LEPR: variants seen among roughly 807,000 people sequenced by gnomAD.
LEPR encodes the protein leptin receptor.
LEPR carries 56 observed loss-of-function variants against 114.7 expected under a neutral mutation model. The observed-to-expected ratio is 0.49, with a 90% CI of 0.39 to 0.61. LEPR has a LOEUF of 0.61. Among genes scored for constraint, LEPR ranks in the 20% least tolerant of loss-of-function variants. The pLI is 0.00. For missense variants in LEPR, 1,202 were observed against 1,352.9 expected (o/e 0.89, Z 1.75); for synonymous variants, 443 against 461.4 (o/e 0.96, Z 0.51).
intron 2 of LEPR, among the ~76,000 whole-genome samples, chr1:65,454,928 C>T (rs1192302837): frequency 9.2e-5 from 14 of 152,174 alleles, no homozygotes; most frequent in African/African-American, 1.4e-4. Context: ...ACCAATCAGA[C>T]GTAGATTTGG....
At chr1:65,435,593 T>G in intron 2 of LEPR, 1 of 629,644 alleles carries the variant, frequency 1.6e-6, no homozygotes, top group Non-Finnish European at 2.0e-6. Flanking sequence ...GGTCTCGATC[T>G]CCTGACCTCA....
intron 6 of LEPR, among the ~76,000 whole-genome samples, chr1:65,595,360 C>T (rs926780856): frequency 1.1e-4 from 17 of 152,020 alleles, no homozygotes. Context: ...ACTAGTAACT[C>T]CAGTTTGATA....
chr1:65,447,556 G>A (rs1483337289), intron 2 of LEPR, among the ~76,000 whole-genome samples: 1 of 147,210 alleles, frequency 6.8e-6, no homozygotes, highest in African/African-American at 2.5e-5. Flanking sequence ...TTTTGATACA[G>A]GGTCTCACCC....
chr1:65,428,585 A>T (rs979010591), intron 2 of LEPR, among the ~76,000 whole-genome samples: 1 of 152,166 alleles, frequency 6.6e-6, no homozygotes, highest in African/African-American at 2.4e-5. Flanking sequence ...TTGGTTGCCT[A>T]GATCTGTGGC....
At chr1:65,487,705 A>C (rs1174952099) in intron 2 of LEPR, among the ~76,000 whole-genome samples, 1 of 74,894 alleles carries the variant, frequency 1.3e-5, no homozygotes, top group South Asian at 3.7e-4. Context: ...TAAATTAAAA[A>C]ATTTTTTTTT....
chr1:65,609,059 T>G (rs1409148694), intron 12 of LEPR, among the ~76,000 whole-genome samples, 158 bp downstream of exon 12: 3 of 152,246 alleles, frequency 2.0e-5, no homozygotes, highest in Non-Finnish European at 4.4e-5. Flanking sequence ...TCTAACTTTT[T>G]TAAAGAACAA....
intron 2 of LEPR, among the ~76,000 whole-genome samples, chr1:65,520,169 AT>A (rs1344513288): frequency 6.6e-6 from 1 of 152,030 alleles, no homozygotes; most frequent in Non-Finnish European, 1.5e-5. Flanking sequence ...GGCCAAAAAA[AT>A]GTTTTTTAAA....
rs374344063 is a variant in LEPR, at chr1:65,621,204, AT to A, written c.2492-144del. ...TATTTTATTAATGTGATCACAACAT[AT>A]TTTTATCTTCATTTTTTATTTTTAT... On this transcript the variant is annotated intron_variant, in intron 17 of 19. Transcript: ENST00000349533. 740 of 692,172 alleles carry A rather than the reference AT, an allele frequency of 1.1e-3. 5 individuals are homozygous for A. In the African/African-American group the frequency reaches 0.012, roughly 11 times the overall value. 42.9% of individuals were successfully genotyped at this position (692,172 alleles called of 1,614,324 possible). A position where few individuals can be genotyped will look rare whatever the true frequency, so the allele number is the denominator to read the frequency against.
chr1:65,621,337 T>G lies in LEPR; in HGVS notation c.2492-16T>G. 6.2e-7 allele frequency: 1 copy of G among 1,603,320 alleles called. No individual in the cohort carries two copies. The highest frequency in any genetic ancestry group is 8.5e-7 in the Non-Finnish European group (1 of 1,170,848). ...CCTCAAGTTTCTGAGTTGTGTAAAT[T>G]GTATTTCTTTTTCAGATGATATTGA... On this transcript the variant is annotated splice_polypyrimidine_tract_variant and intron_variant, in intron 17 of 19. Coordinates refer to ENST00000349533, the MANE Select transcript of LEPR (RefSeq NM_002303.6).
intron 2 of LEPR, among the ~76,000 whole-genome samples, chr1:65,538,350 G>A (rs1267522445): frequency 6.6e-6 from 1 of 151,744 alleles, no homozygotes; most frequent in African/African-American, 2.4e-5. Flanking sequence ...CTCCTTTTGG[G>A]GGCCATCTAT....
At position 65,637,235 on chromosome 1, in the gene LEPR, C is replaced by T; in HGVS notation, c.*220C>T. 4.4e-6 allele frequency: 2 copies of T among 450,090 alleles called. No individual in the cohort carries two copies. Among genetic ancestry groups the T allele is most frequent in the Non-Finnish European group, 7.8e-6 (2 of 254,814 alleles). 27.9% of individuals were successfully genotyped at this position (450,090 alleles called of 1,614,324 possible). On this transcript the variant is annotated 3_prime_UTR_variant, in exon 20 of 20. Transcript: ENST00000349533. Reference sequence around the variant, plus strand: ...TAGACACGCTCTTCTATTTTATTCCCAAGCTCTAGTGGGAAGGTCCCTTGT... The same window carrying T: ...TAGACACGCTCTTCTATTTTATTCCTAAGCTCTAGTGGGAAGGTCCCTTGT...
At chr1:65,572,291 T>TG in intron 4 of LEPR, 35 bp from the exon 5 acceptor site, 4 of 266,202 alleles carry the variant, frequency 1.5e-5, no homozygotes, top group East Asian at 1.5e-4. Flanking sequence ...CATGTAGTTG[T>TG]TTTTTTTTTT....
intron 2 of LEPR, chr1:65,430,051 A>G: frequency 1.9e-6 from 3 of 1,555,104 alleles, no homozygotes; most frequent in Non-Finnish European, 2.6e-6. Context: ...TGGCTGTGGT[A>G]AGTTTTATTT....
In LEPR at chr1:65,551,900, G is replaced by A. The variant is rs147979444; in HGVS notation, c.-20-13646G>A. On this transcript the variant is annotated intron_variant, in intron 2 of 19. Coordinates refer to ENST00000349533, the MANE Select transcript of LEPR (RefSeq NM_002303.6). ...ATATATGTCCCAGAGATTCTGGTAC[G>A]TTGTGTCTTTGTTCTCACTGGTTTC... Among the ~76,000 whole-genome samples the A allele has an allele frequency of 2.8e-4, 42 of 152,274 alleles. 1 individual carries two copies. The East Asian group carries it at 7.3e-3, about 27-fold the overall frequency.
chr1:65,628,572 AT>A (rs1658350256), intron 19 of LEPR, among the ~76,000 whole-genome samples: 2 of 152,324 alleles, frequency 1.3e-5, no homozygotes, highest in African/African-American at 4.8e-5. Flanking sequence ...TATTCCAAAA[AT>A]ATCTCTGAAC....
intron 2 of LEPR, chr1:65,526,463 G>C: frequency 1.0e-6 from 1 of 961,528 alleles, no homozygotes; most frequent in Non-Finnish European, 1.2e-6. Flanking sequence ...TTAAAAACTG[G>C]TTCTTTCTGG....
At chr1:65,591,078 AT>A (rs953936148) in intron 5 of LEPR, among the ~76,000 whole-genome samples, 2 of 151,562 alleles carry the variant, frequency 1.3e-5, no homozygotes, top group African/African-American at 2.4e-5. Flanking sequence ...AATCCTTCTA[AT>A]TTTTTTTGAT....
At chr1:65,583,851 C>T (rs1028213089) in intron 5 of LEPR, among the ~76,000 whole-genome samples, 1 of 151,924 alleles carries the variant, frequency 6.6e-6, no homozygotes, top group African/African-American at 2.4e-5. Context: ...ATATGCTCTA[C>T]ATGTTCAAGA....
chr1:65,513,469 A>G (rs2100558648), intron 2 of LEPR, among the ~76,000 whole-genome samples: 1 of 152,322 alleles, frequency 6.6e-6, no homozygotes, highest in Middle Eastern at 3.4e-3. Context: ...CAGAATTAGA[A>G]CCTGGGCTCT....
Sources: gnomAD v4.1 joint callset for allele counts (sites outside exome capture counted in the v4.1 genomes callset) on GRCh38, gnomAD v4.1.1 for gene constraint, MANE v1.5 for transcripts, NCBI Gene and HGNC (gene_info 2026-07-23, HGNC 2026-07-21) for gene names.